The following CSMD1 variants were observed in gnomAD, a reference collection of about 807,000 sequenced individuals.
The protein encoded by CSMD1 is CUB and Sushi multiple domains 1.
Under a neutral mutation model 417.5 loss-of-function variants are expected in CSMD1, and 213 were observed. The observed-to-expected ratio is 0.51, with a 90% confidence interval of 0.46 to 0.57. The LOEUF (loss-of-function observed/expected upper bound fraction) is 0.57. CSMD1 is among the 20% of genes least tolerant of loss of function. The probability of loss-of-function intolerance (pLI) is 0.00; values close to 1 mark genes in which losing one functional copy is unlikely to be tolerated. For synonymous variants in CSMD1, 2,862 were observed against 1,736.8 expected (o/e 1.65, Z -16.11); for missense variants, 6,923 against 4,529.7 (o/e 1.53, Z -15.17).
chr8:4,907,995 T>C lies in CSMD1; in HGVS notation c.85+86337A>G, dbSNP rs181400322. ...TAGGCATAGATATTCTAATACACCA[T>C]CTGGGAATTATTACTTTTAAAATAA... On this transcript the variant is annotated intron_variant, in intron 1 of 69. Transcript: ENST00000635120. 2.0e-5 allele frequency among the ~76,000 whole-genome samples: 3 copies of C among 152,268 alleles called. No homozygotes were observed. In the East Asian group the frequency reaches 5.8e-4, roughly 29 times the overall value.
chr8:3,733,214 C>G (rs1235791416), intron 6 of CSMD1, among the ~76,000 whole-genome samples: 1 of 150,730 alleles, frequency 6.6e-6, no homozygotes, highest in Non-Finnish European at 1.5e-5. Flanking sequence ...CACTCTCTCT[C>G]TCTCATACAT....
chr8:3,397,346 C>G (rs910164782), intron 16 of CSMD1, among the ~76,000 whole-genome samples: 1 of 152,136 alleles, frequency 6.6e-6, no homozygotes, highest in Non-Finnish European at 1.5e-5. Flanking sequence ...CAATCTTAGC[C>G]TCATGGCGTG....
intron 1 of CSMD1, among the ~76,000 whole-genome samples, chr8:4,967,469 T>C (rs753032023): frequency 1.8e-4 from 28 of 152,188 alleles, no homozygotes; most frequent in Non-Finnish European, 2.4e-4. Context: ...TACCAGTGAA[T>C]ATATTAGGTG....
chr8:3,478,606 C>G (rs1006360430), intron 11 of CSMD1, among the ~76,000 whole-genome samples: 6 of 152,124 alleles, frequency 3.9e-5, no homozygotes, highest in African/African-American at 7.2e-5. Flanking sequence ...GAAGGCCACT[C>G]CGACTTGCTG....
chr8:4,277,932 T>G (rs1450439274), intron 3 of CSMD1, among the ~76,000 whole-genome samples: 2 of 152,066 alleles, frequency 1.3e-5, no homozygotes, highest in Non-Finnish European at 2.9e-5. Context: ...GTATTTTTAG[T>G]GGAGACAGGA....
intron 3 of CSMD1, among the ~76,000 whole-genome samples, chr8:4,185,980 A>G (rs1246330480): frequency 6.6e-6 from 1 of 152,132 alleles, no homozygotes; most frequent in Non-Finnish European, 1.5e-5. Flanking sequence ...ATCATTCTTA[A>G]CAAGTCCACC....
intron 3 of CSMD1, among the ~76,000 whole-genome samples, chr8:4,222,714 T>C (rs750907439): frequency 3.3e-5 from 5 of 152,142 alleles, no homozygotes; most frequent in Non-Finnish European, 5.9e-5. Flanking sequence ...TTCGCTTCTG[T>C]AGGTGATAAA....
At chr8:4,036,156 T>G (rs1021281222) in intron 3 of CSMD1, among the ~76,000 whole-genome samples, 2 of 152,132 alleles carry the variant, frequency 1.3e-5, no homozygotes, top group Non-Finnish European at 2.9e-5. Context: ...GCCGCAAAAC[T>G]TGGGTTTGTG....
rs959717102 is a variant in CSMD1, at chr8:4,281,212, G to T, written c.415+138741C>A. On this transcript the variant is annotated intron_variant, in intron 3 of 69. Coordinates refer to ENST00000635120, the MANE Select transcript of CSMD1 (RefSeq NM_033225.6). ...AAATGGACCTGGAAATATAAAAGTG[G>T]AAAATACTTTGCTACCTTAAGTATG... Among the ~76,000 whole-genome samples the T allele has an allele frequency of 5.9e-5, 9 of 152,240 alleles. No individual in the cohort carries two copies. The East Asian group carries it at 1.2e-3, about 20-fold the overall frequency.
intron 10 of CSMD1, among the ~76,000 whole-genome samples, chr8:3,569,845 T>C (rs1799872917): frequency 6.6e-6 from 1 of 152,170 alleles, no homozygotes; most frequent in South Asian, 2.1e-4. Context: ...GAGTATTGGT[T>C]GTGCGGGTAT....
rs144572844 is a variant in CSMD1 at position 4,590,220 on chromosome 8, G to C, written c.302+47122C>G. On this transcript the variant is annotated intron_variant, in intron 2 of 69. Transcript: ENST00000635120. ...CCAGGATAACTCATCTGTGGTATGT[G>C]TTACAAGAGTAGTGTCTAGCGTCAT... Among the ~76,000 whole-genome samples the C allele has an allele frequency of 3.1e-3, 468 of 152,000 alleles. 5 individuals carry two copies. The highest frequency in any genetic ancestry group is 0.011 in the African/African-American group (456 of 41,458).
intron 5 of CSMD1, among the ~76,000 whole-genome samples, chr8:3,910,509 C>T (rs765441966): frequency 1.3e-5 from 2 of 152,128 alleles, no homozygotes; most frequent in Non-Finnish European, 2.9e-5. Flanking sequence ...AAACATTATA[C>T]AAATTTTACA....
At chr8:4,861,636 T>C (rs1466112153) in intron 1 of CSMD1, among the ~76,000 whole-genome samples, 1 of 152,130 alleles carries the variant, frequency 6.6e-6, no homozygotes, top group Non-Finnish European at 1.5e-5. Flanking sequence ...GTCTAAAATA[T>C]ATATGCATTT....
chr8:4,315,009 C>T (rs1475055593), intron 3 of CSMD1, among the ~76,000 whole-genome samples: 1 of 152,130 alleles, frequency 6.6e-6, no homozygotes, highest in Admixed American at 6.5e-5. Flanking sequence ...CAGCCCCAGC[C>T]TGAGAAAAGA....
At chr8:3,631,620 C>A (rs1309494369) in intron 7 of CSMD1, among the ~76,000 whole-genome samples, 2 of 152,152 alleles carry the variant, frequency 1.3e-5, no homozygotes, top group African/African-American at 4.8e-5. Context: ...ATCGGTTTTG[C>A]AACACTGAAG....
At chr8:3,687,091 T>C (rs1799979525) in intron 7 of CSMD1, among the ~76,000 whole-genome samples, 1 of 152,148 alleles carries the variant, frequency 6.6e-6, no homozygotes, top group African/African-American at 2.4e-5. Context: ...CAAATGTATG[T>C]CCAATAAAAT....
intron 5 of CSMD1, among the ~76,000 whole-genome samples, chr8:3,972,991 G>C (rs886905068): frequency 6.6e-6 from 1 of 152,180 alleles, no homozygotes; most frequent in African/African-American, 2.4e-5. Flanking sequence ...AACATTTACT[G>C]CTTAAATTTT....
At chr8:3,842,609 C>G (rs1803208570) in intron 5 of CSMD1, among the ~76,000 whole-genome samples, 1 of 152,008 alleles carries the variant, frequency 6.6e-6, no homozygotes, top group Non-Finnish European at 1.5e-5. Context: ...GAAGTTACAT[C>G]AAGAAGATGT....
chr8:3,343,399 T>C lies in CSMD1; in HGVS notation c.3526A>G (p.Asn1176Asp). ...SSRPLGTFTK[N>D]ELLGLILNST... is the part of the protein sequence containing the mutation. Reference sequence around the variant, plus strand: ...TTTAGGATCAGCCCCAGAAGTTCATTTTTAGTGAACGTGCCCAGTGGACGT... The same window carrying C: ...TTTAGGATCAGCCCCAGAAGTTCATCTTTAGTGAACGTGCCCAGTGGACGT... The change falls in exon 23 of 70, where the codon AAT becomes GAT. Residue 1176 changes from asparagine to aspartate, a missense_variant. By Grantham distance (23) the Asn-to-Asp change is conservative. Coordinates refer to ENST00000635120, the MANE Select transcript of CSMD1 (RefSeq NM_033225.6). The C allele has an allele frequency of 6.2e-7, 1 of 1,613,874 alleles. No individual in the cohort carries two copies. The highest frequency in any genetic ancestry group is 8.5e-7 in the Non-Finnish European group (1 of 1,179,798).
Sources: allele counts gnomAD v4.1 joint callset (sites outside exome capture counted in the v4.1 genomes callset), GRCh38; gene constraint gnomAD v4.1.1; transcripts MANE v1.5; gene names NCBI Gene and HGNC (gene_info 2026-07-23, HGNC 2026-07-21).